The following NBEAL1 variants were observed in gnomAD, a reference collection of about 807,000 sequenced individuals.
The protein encoded by NBEAL1 is neurobeachin like 1.
In NBEAL1, 273 loss-of-function variants were observed where a neutral mutation model predicts 351.3. That is an observed-to-expected ratio of 0.78 (90% CI 0.70 to 0.86). The LOEUF (loss-of-function observed/expected upper bound fraction) is 0.86. Among genes scored for constraint, NBEAL1 ranks in the 40% least tolerant of loss-of-function variants. The probability of loss-of-function intolerance (pLI) is 0.00; values close to 1 mark genes in which losing one functional copy is unlikely to be tolerated. For synonymous variants in NBEAL1, 1,050 were observed against 1,086.4 expected, an observed-to-expected ratio of 0.97 and a Z score of 0.66; for missense variants, 2,961 against 3,201.3, an observed-to-expected ratio of 0.92 and a Z score of 1.81.
intron 6 of NBEAL1, among the ~76,000 whole-genome samples, chr2:203,066,119 A>G (rs971828214): frequency 2.2e-4 from 33 of 152,248 alleles, no homozygotes; most frequent in Non-Finnish European, 7.3e-5. Flanking sequence ...TACATCTAAT[A>G]CAGGAACTTT....
At chr2:203,143,764 A>G (rs1323966777) in intron 31 of NBEAL1, among the ~76,000 whole-genome samples, 1 of 152,162 alleles carries the variant, frequency 6.6e-6, no homozygotes, top group Non-Finnish European at 1.5e-5. Context: ...GTTATGAACT[A>G]GATTTTTGAG....
At position 203,145,026 on chromosome 2, in the gene NBEAL1, A is replaced by C. The variant is rs765728345; in HGVS notation, c.5170A>C (p.Lys1724Gln). 6.3e-7 allele frequency: 1 copy of C among 1,592,628 alleles called. No individual in the cohort carries two copies. Among genetic ancestry groups the C allele is most frequent in the South Asian group, 1.2e-5 (1 of 85,796 alleles). Residue 1724 changes from lysine (K) to glutamine (Q), a missense_variant, in exon 33 of 56, where the codon AAG becomes CAG. Lys to Gln is a moderately conservative substitution (Grantham distance 53). Transcript: ENST00000683969. ...YIEKYIVPYM[K>Q]QYEAHTFYDG... ...TTTTGGTAAGATTGTACCTTATATG[A>C]AGCAGTATGAAGCTCATACATTTTA... is the stretch of plus-strand genomic sequence containing the variant.
intron 48 of NBEAL1, 115 bp from the exon 49 acceptor site, chr2:203,199,223 C>T: frequency 3.5e-6 from 2 of 571,624 alleles, no homozygotes; most frequent in Non-Finnish European, 6.3e-6. Flanking sequence ...TTGAAGTACA[C>T]AGTCTCACAG....
In NBEAL1 at chr2:203,144,673, G is replaced by T. The variant is rs376274052; in HGVS notation, c.4922G>T (p.Cys1641Phe). The change falls in exon 32 of 56, where the codon TGT becomes TTT. Residue 1641 changes from cysteine (C) to phenylalanine (F), a missense_variant. Coordinates refer to ENST00000683969, the MANE Select transcript of NBEAL1 (RefSeq NM_001378026.1). ...GTGATTGAAAATCAGGATGAAGCAT[G>T]TTACATTTTAGGGAAGCTGGAACAT... ...TKVIENQDEA[C>F]YILGKLEHVL... 6 of 1,614,008 alleles carry T rather than the reference G, an allele frequency of 3.7e-6. No homozygotes were observed. The highest frequency in any genetic ancestry group is 1.3e-5 in the African/African-American group (1 of 74,930).
chr2:203,165,214 CT>C (rs1212184541), intron 36 of NBEAL1, among the ~76,000 whole-genome samples: 2 of 152,152 alleles, frequency 1.3e-5, no homozygotes, highest in African/African-American at 2.4e-5. Context: ...CACCAAAAGA[CT>C]GTCTCTCCAG....
intron 44 of NBEAL1, among the ~76,000 whole-genome samples, chr2:203,185,439 G>C (rs1222216739): frequency 6.6e-6 from 1 of 152,180 alleles, no homozygotes; most frequent in East Asian, 1.9e-4. Flanking sequence ...ATGACGGATT[G>C]ATGGGTGCAG....
In NBEAL1 at chr2:203,057,318, G is replaced by A. The variant is rs761281795; in HGVS notation, c.388-8G>A. On this transcript the variant is annotated splice_region_variant and splice_polypyrimidine_tract_variant and intron_variant, in intron 5 of 55. Coordinates refer to ENST00000683969, the MANE Select transcript of NBEAL1 (RefSeq NM_001378026.1). ...ATGTCTTTAATTTATGTTTAACTTT[G>A]TTCTCAGTTAAAAAGCAAAAAAAAA... 87 of 1,543,296 alleles carry A rather than the reference G, an allele frequency of 5.6e-5. No individual in the cohort carries two copies. Among genetic ancestry groups the A allele is most frequent in the Non-Finnish European group, 7.3e-5 (83 of 1,142,022 alleles).
At chr2:203,210,299 G>T (rs563000387) in intron 53 of NBEAL1, among the ~76,000 whole-genome samples, 1 of 148,404 alleles carries the variant, frequency 6.7e-6, no homozygotes, top group Admixed American at 6.8e-5. Context: ...GGAGGCAGAC[G>T]TTGCAGTGAG....
intron 6 of NBEAL1, among the ~76,000 whole-genome samples, chr2:203,057,831 T>G (rs1480629880): frequency 4.0e-5 from 6 of 149,328 alleles, no homozygotes; most frequent in Non-Finnish European, 8.9e-5. Context: ...TTTCTTTTTT[T>G]TTTTTTTGTT....
intron 35 of NBEAL1, among the ~76,000 whole-genome samples, chr2:203,152,141 A>G (rs191138426): frequency 4.0e-5 from 6 of 151,584 alleles, no homozygotes; most frequent in Admixed American, 1.3e-4. Flanking sequence ...TATTTTTAGT[A>G]GAGATGGGGT....
At chr2:203,111,184 A>G (rs990391688) in intron 15 of NBEAL1, among the ~76,000 whole-genome samples, 1 of 152,102 alleles carries the variant, frequency 6.6e-6, no homozygotes, top group Admixed American at 6.6e-5. Context: ...TTGAAAAATT[A>G]GTTGGGTGAG....
intron 12 of NBEAL1, among the ~76,000 whole-genome samples, chr2:203,105,909 CTTCA>C (rs2062426893): frequency 6.6e-6 from 1 of 152,180 alleles, no homozygotes; most frequent in Admixed American, 6.5e-5. Context: ...CAGAGTTTTT[CTTCA>C]TTAATAAAAT....
At chr2:203,054,561 A>T (rs1277639612) in intron 4 of NBEAL1, among the ~76,000 whole-genome samples, 1 of 151,988 alleles carries the variant, frequency 6.6e-6, no homozygotes, top group East Asian at 1.9e-4. Flanking sequence ...GGCATGAGCC[A>T]CTACACCCAA....
At chr2:203,186,154 G>A (rs2064891572) in intron 44 of NBEAL1, among the ~76,000 whole-genome samples, 2 of 152,190 alleles carry the variant, frequency 1.3e-5, no homozygotes. Flanking sequence ...AAAAACAAAT[G>A]GATGTGGCTG....
At chr2:203,080,329 G>A (rs1291296461) in intron 8 of NBEAL1, among the ~76,000 whole-genome samples, 1 of 151,988 alleles carries the variant, frequency 6.6e-6, no homozygotes. Context: ...GGAGAATGGC[G>A]TGAACCCGGG....
rs146667420 is a variant in NBEAL1 at position 203,120,947 on chromosome 2, C to T, written c.2593-1307C>T. Among the ~76,000 whole-genome samples the T allele has an allele frequency of 3.2e-3, 488 of 152,118 alleles. 4 individuals carry two copies. Among genetic ancestry groups the T allele is most frequent in the African/African-American group, 0.011 (470 of 41,508 alleles). ...TTGTTTAAGAGGAAAGCAGTAACTA[C>T]ATCATGTGCGCTAAAATTTGTAGGT... On this transcript the variant is annotated intron_variant, in intron 18 of 55. Transcript: ENST00000683969.
chr2:203,024,622 G>A (rs1455233748), intron 2 of NBEAL1, among the ~76,000 whole-genome samples: 1 of 151,934 alleles, frequency 6.6e-6, no homozygotes, highest in African/African-American at 2.4e-5. Context: ...CATATTATTG[G>A]CGGCCTGAGG....
rs1283507639 is a variant in NBEAL1, at chr2:203,221,599, A to G, written c.*4245A>G. Among the ~76,000 whole-genome samples, 1 of 152,118 alleles carries G rather than the reference A, an allele frequency of 6.6e-6. No individual in the cohort carries two copies. The highest frequency in any genetic ancestry group is 1.5e-5 in the Non-Finnish European group (1 of 68,012). ...GCCATACTCATGGCTTATCCTACGC[A>G]TTGTTCCTCTCATCAGCTGAAACTG... On this transcript the variant is annotated 3_prime_UTR_variant, in exon 56 of 56. Transcript: ENST00000683969.
chr2:203,150,741 C>A (rs542038145), intron 34 of NBEAL1, among the ~76,000 whole-genome samples: 1 of 151,936 alleles, frequency 6.6e-6, no homozygotes, highest in South Asian at 2.1e-4. Context: ...AATTATATTG[C>A]CTTTATTTGT....
Sources: allele counts gnomAD v4.1 joint callset (sites outside exome capture counted in the v4.1 genomes callset), GRCh38; gene constraint gnomAD v4.1.1; transcripts MANE v1.5; gene names NCBI Gene and HGNC (gene_info 2026-07-23, HGNC 2026-07-21).